The following AHCYL1 variants were observed in gnomAD, a reference collection of about 807,000 sequenced individuals.
The protein encoded by AHCYL1 is adenosylhomocysteinase like 1, also known as S-adenosylhomocysteine hydrolase-like protein 1.
Under a neutral mutation model 79.3 loss-of-function variants are expected in AHCYL1, and 20 were observed. The observed-to-expected ratio is 0.25, with a 90% CI of 0.18 to 0.37. The LOEUF (loss-of-function observed/expected upper bound fraction) is 0.37. Ranked by LOEUF, AHCYL1 falls within the 10% of genes least tolerant of loss-of-function variation. The probability of loss-of-function intolerance (pLI) is 1.00; values close to 1 mark genes in which losing one functional copy is unlikely to be tolerated. For missense variants in AHCYL1, 330 were observed against 673.6 expected, an observed-to-expected ratio of 0.49 and a Z score of 5.65; for synonymous variants, 223 against 242.2, an observed-to-expected ratio of 0.92 and a Z score of 0.74.
In AHCYL1 at chr1:110,021,733, AT is replaced by A. The variant is rs1557778541; in HGVS notation, c.*59del. 3.9e-6 allele frequency: 6 copies of A among 1,548,434 alleles called. No individual in the cohort carries two copies. In the Admixed American group the frequency reaches 7.3e-5, roughly 19 times the overall value. The stretch of plus-strand genomic sequence containing the variant: ...CCTGAACCACACACTCTAAAGAAAT[AT>A]TTTTTAAGATAACTTTTATTTTCTT... On this transcript the variant is annotated 3_prime_UTR_variant, in exon 17 of 17. Transcript: ENST00000369799.
At chr1:110,008,413 T>C (rs529169379) in intron 1 of AHCYL1, among the ~76,000 whole-genome samples, 5 of 152,190 alleles carry the variant, frequency 3.3e-5, no homozygotes, top group Non-Finnish European at 5.9e-5. Flanking sequence ...GGGTTTTTAA[T>C]TTTCTTTTTA....
chr1:110,008,275 G>C (rs1377097558), intron 1 of AHCYL1, among the ~76,000 whole-genome samples: 1 of 151,942 alleles, frequency 6.6e-6, no homozygotes, highest in Non-Finnish European at 1.5e-5. Flanking sequence ...CCAAAGTGTT[G>C]GGATTACAGG....
chr1:110,004,221 T>A (rs934209042), intron 1 of AHCYL1: 22 of 985,484 alleles, frequency 2.2e-5, no homozygotes, highest in Middle Eastern at 5.2e-4. Flanking sequence ...GGGGAAGATA[T>A]GTGCTGAGAT....
At chr1:110,011,165 G>A (rs747238660) in intron 2 of AHCYL1, 49 bp from the exon 3 acceptor site, 1 of 1,607,138 alleles carries the variant, frequency 6.2e-7, no homozygotes, top group South Asian at 1.1e-5. Flanking sequence ...TGTAGAGTTG[G>A]GGACCACTGA....
intron 1 of AHCYL1, chr1:110,004,192 A>G (rs539623928): frequency 2.0e-6 from 2 of 985,660 alleles, no homozygotes; most frequent in South Asian, 4.7e-5. Context: ...CTGTTGAGAC[A>G]CAGAGGCGGG....
At chr1:110,008,984 T>A (rs985185071) in intron 1 of AHCYL1, 50 bp from the exon 2 acceptor site, 11 of 1,427,936 alleles carry the variant, frequency 7.7e-6, no homozygotes, top group Non-Finnish European at 9.8e-6. Context: ...AAAAAACATT[T>A]CATGGATTTT....
At chr1:110,015,585 T>C (rs1005296459) in intron 7 of AHCYL1, 54 bp downstream of exon 7, 2 of 1,420,720 alleles carry the variant, frequency 1.4e-6, no homozygotes, top group Non-Finnish European at 2.0e-6. Flanking sequence ...CAAACTCTCC[T>C]GGTCTCTGTT....
rs752619205 is a variant in AHCYL1, at chr1:110,019,047, C to G, written c.1318-4C>G. Reference sequence around the variant, plus strand: ...CATCCCAGGGCTCTCTCTTACCTTTCCAGGGTCGTCTACTCAATTTGAGCT... The same window carrying G: ...CATCCCAGGGCTCTCTCTTACCTTTGCAGGGTCGTCTACTCAATTTGAGCT... On this transcript the variant is annotated splice_polypyrimidine_tract_variant and splice_region_variant and intron_variant, in intron 13 of 16. Transcript: ENST00000369799. 1 of 1,614,104 alleles carries G rather than the reference C, an allele frequency of 6.2e-7. No individual in the cohort carries two copies. The highest frequency in any genetic ancestry group is 1.1e-5 in the South Asian group (1 of 91,088).
chr1:110,018,377 T>C lies in AHCYL1; in HGVS notation c.1128T>C (p.Asn376=). 1.9e-6 allele frequency: 3 copies of C among 1,613,990 alleles called. No homozygotes were observed. Among genetic ancestry groups the C allele is most frequent in the Non-Finnish European group, 2.5e-6 (3 of 1,179,928 alleles). The change falls in exon 12 of 17, where the codon AAT becomes AAC. Residue 376 remains asparagine, a synonymous_variant. Coordinates refer to ENST00000369799, the MANE Select transcript of AHCYL1 (RefSeq NM_006621.7). ...QVDVVITCTG[N]KNVVTREHLD... ...ACCACCCATCTTTTCTTTTAGGAAA[T>C]AAGAATGTAGTGACACGGGAGCACT...
At chr1:109,985,327 C>T in intron 1 of AHCYL1, 155 bp downstream of exon 1, 2 of 1,344,920 alleles carry the variant, frequency 1.5e-6, no homozygotes. Context: ...CCAGGCCTCT[C>T]CCGGGCTGAA....
Position 110,019,077 on chromosome 1 carries a change from C to T in AHCYL1, c.1344C>T (p.Ser448=), listed in dbSNP as rs751030772. 8 of 1,614,186 alleles carry T rather than the reference C, an allele frequency of 5.0e-6. No individual in the cohort carries two copies. In the South Asian group the frequency reaches 8.8e-5, roughly 18 times the overall value. ...GTCGTCTACTCAATTTGAGCTGCTC[C>T]ACAGTTCCCACCTTTGTTCTGTCCA... ...AEGRLLNLSC[S]TVPTFVLSIT... is the part of the protein sequence containing the mutation. The change falls in exon 14 of 17, where the codon TCC becomes TCT. Residue 448 remains serine (S), a synonymous_variant. Transcript: ENST00000369799.
Position 110,010,562 on chromosome 1 carries a change from G to T in AHCYL1, c.233-652G>T, listed in dbSNP as rs566494899. Among the ~76,000 whole-genome samples the T allele has an allele frequency of 2.0e-5, 3 of 152,262 alleles. No homozygotes were observed. The South Asian group carries it at 6.2e-4, about 32-fold the overall frequency. On this transcript the variant is annotated intron_variant, in intron 2 of 16. Transcript: ENST00000369799. ...AGAACCAGAGCTGTTTGCCTTTTGT[G>T]CCATTTCTTTCTTTCTCTATTCCTT...
rs2101749206 is a variant in AHCYL1 at position 110,021,764 on chromosome 1, C to T, written c.*84C>T. Reference sequence around the variant, plus strand: ...TAAGATAACTTTTATTTTCTTCTTACTCCTTTCCTCTTGATTTTTTTCCTA... The same window carrying T: ...TAAGATAACTTTTATTTTCTTCTTATTCCTTTCCTCTTGATTTTTTTCCTA... On this transcript the variant is annotated 3_prime_UTR_variant, in exon 17 of 17. Transcript: ENST00000369799. 7.1e-7 allele frequency: 1 copy of T among 1,401,980 alleles called. No individual in the cohort carries two copies. Among genetic ancestry groups the T allele is most frequent in the Non-Finnish European group, 9.9e-7 (1 of 1,012,576 alleles). The allele number at this position is 1,401,980 out of a possible 1,614,324, so 86.8% of individuals were successfully genotyped here.
chr1:110,002,668 A>G (rs1477792930), intron 1 of AHCYL1, among the ~76,000 whole-genome samples: 1 of 152,216 alleles, frequency 6.6e-6, no homozygotes, highest in Non-Finnish European at 1.5e-5. Flanking sequence ...TGAAAAAAGT[A>G]TTGCCCTACA....
chr1:109,996,650 G>A lies in AHCYL1; in HGVS notation c.120+11478G>A, dbSNP rs182104853. 2.3e-3 allele frequency among the ~76,000 whole-genome samples: 355 copies of A among 152,328 alleles called. 2 individuals are homozygous for A. The highest frequency in any genetic ancestry group is 8.1e-3 in the African/African-American group (335 of 41,556). On this transcript the variant is annotated intron_variant, in intron 1 of 16. Coordinates refer to ENST00000369799, the MANE Select transcript of AHCYL1 (RefSeq NM_006621.7). ...TAGGCAATTTTGTTGTTGTGCAAAC[G>A]TCAGAGAGACTTTAAATGACTGGCA... is the stretch of plus-strand genomic sequence containing the variant.
At chr1:110,018,720 G>A (rs1651591276) in intron 13 of AHCYL1, 70 bp downstream of exon 13, 1 of 1,340,152 alleles carries the variant, frequency 7.5e-7, no homozygotes, top group African/African-American at 1.4e-5. Flanking sequence ...GGGGAGGGGA[G>A]GGAAACAAAT....
At chr1:110,015,619 C>T (rs551173643) in intron 7 of AHCYL1, 88 bp downstream of exon 7, 48 of 1,041,532 alleles carry the variant, frequency 4.6e-5, no homozygotes, top group Middle Eastern at 2.1e-4. Flanking sequence ...GTGTTTCAGA[C>T]TTATAACTAA....
At chr1:109,989,193 G>A (rs1354218108) in intron 1 of AHCYL1, among the ~76,000 whole-genome samples, 2 of 152,068 alleles carry the variant, frequency 1.3e-5, no homozygotes, top group Non-Finnish European at 2.9e-5. Context: ...TTACACTCTA[G>A]TTTCCAAATT....
chr1:110,012,894 C>T lies in AHCYL1; in HGVS notation c.478-3C>T. 1 of 1,608,912 alleles carries T rather than the reference C, an allele frequency of 6.2e-7. No individual in the cohort carries two copies. The highest frequency in any genetic ancestry group is 2.2e-5 in the East Asian group (1 of 44,738). ...CACCCTGTCTTCCTACACTTCTACA[C>T]AGGTGTTGATTGAGACACTCTGTGC... is the stretch of plus-strand genomic sequence containing the variant. On this transcript the variant is annotated splice_polypyrimidine_tract_variant and splice_region_variant and intron_variant, in intron 4 of 16. Coordinates refer to ENST00000369799, the MANE Select transcript of AHCYL1 (RefSeq NM_006621.7).
Sources: allele counts gnomAD v4.1 joint callset (sites outside exome capture counted in the v4.1 genomes callset), GRCh38; gene constraint gnomAD v4.1.1; transcripts MANE v1.5; gene names NCBI Gene and HGNC (gene_info 2026-07-23, HGNC 2026-07-21).